The following NRCAM variants were observed in gnomAD, a reference collection of about 807,000 sequenced individuals.
NRCAM encodes neuronal cell adhesion molecule, also known as NgCAM-related cell adhesion molecule.
Under a neutral mutation model 156.5 loss-of-function variants are expected in NRCAM, and 83 were observed. The ratio of observed to expected loss-of-function variants is 0.53; its 90% CI spans 0.44 to 0.64. The LOEUF (loss-of-function observed/expected upper bound fraction) is 0.64. Ranked by LOEUF, NRCAM falls within the 30% of genes least tolerant of loss-of-function variation. NRCAM has a pLI of 0.00. For synonymous variants in NRCAM, 538 were observed against 563.9 expected (o/e 0.95, Z 0.65); for missense variants, 1,417 against 1,597.3 (o/e 0.89, Z 1.92).
chr7:108,413,772 G>C (rs948390646), intron 1 of NRCAM, among the ~76,000 whole-genome samples: 1 of 152,082 alleles, frequency 6.6e-6, no homozygotes, highest in African/African-American at 2.4e-5. Flanking sequence ...AATTCATTTG[G>C]TGCTGTATTG....
chr7:108,308,600 AT>A (rs1033820202), intron 3 of NRCAM, among the ~76,000 whole-genome samples: 6 of 152,196 alleles, frequency 3.9e-5, no homozygotes, highest in South Asian at 4.1e-4. Flanking sequence ...AGCACCAATT[AT>A]TGCTGCCACA....
At chr7:108,210,949 T>C (rs981370586) in intron 11 of NRCAM, among the ~76,000 whole-genome samples, 1 of 152,162 alleles carries the variant, frequency 6.6e-6, no homozygotes, top group African/African-American at 2.4e-5. Flanking sequence ...CAGAACTACA[T>C]TGCAGCTCTG....
At chr7:108,444,592 T>G (rs1056212320) in intron 1 of NRCAM, among the ~76,000 whole-genome samples, 1 of 152,186 alleles carries the variant, frequency 6.6e-6, no homozygotes, top group African/African-American at 2.4e-5. Context: ...GCATCTCTCC[T>G]GGCTTCTAGT....
At chr7:108,377,393 AAGTGTC>A (rs1181855665) in intron 2 of NRCAM, among the ~76,000 whole-genome samples, 2 of 152,204 alleles carry the variant, frequency 1.3e-5, no homozygotes, top group Non-Finnish European at 2.9e-5. Flanking sequence ...TGTTAGAGAC[AAGTGTC>A]AACAAACCTA....
chr7:108,363,727 T>C (rs947015206), intron 2 of NRCAM, among the ~76,000 whole-genome samples: 29 of 152,250 alleles, frequency 1.9e-4, no homozygotes, highest in African/African-American at 6.0e-4. Context: ...TGATATGATA[T>C]GATGTGATGA....
chr7:108,168,272 C>T lies in NRCAM; in HGVS notation c.3313+5G>A, dbSNP rs762390078. 8 of 1,500,688 alleles carry T rather than the reference C, an allele frequency of 5.3e-6. No homozygotes were observed. The Admixed American group carries it at 1.4e-4, about 27-fold the overall frequency. 93.0% of individuals were successfully genotyped at this position (1,500,688 alleles called of 1,614,324 possible). ...TAAAAATCGGGTAATGAAATTGTTT[C>T]TTACTGCCTGCTACACCATATTCAA... On this transcript the variant is annotated splice_donor_5th_base_variant and intron_variant, in intron 29 of 32. Transcript: ENST00000379028.
chr7:108,276,172 A>G (rs2097594702), intron 3 of NRCAM, among the ~76,000 whole-genome samples: 2 of 152,182 alleles, frequency 1.3e-5, no homozygotes, highest in South Asian at 2.1e-4. Flanking sequence ...CAATTTTAGA[A>G]TAAGTGCGAT....
chr7:108,396,142 A>G (rs180751606), intron 2 of NRCAM, among the ~76,000 whole-genome samples: 70 of 152,336 alleles, frequency 4.6e-4, no homozygotes, highest in Admixed American at 3.8e-3. Context: ...TCTATCATGC[A>G]GCGAATATGA....
chr7:108,456,448 G>T, upstream of NRCAM: 1 of 150,782 alleles, frequency 6.6e-6, no homozygotes, highest in South Asian at 2.1e-4. Flanking sequence ...GCCCCGCGCC[G>T]GCGCGCGCCC....
chr7:108,316,745 C>T (rs911147568), intron 2 of NRCAM, among the ~76,000 whole-genome samples: 6 of 150,650 alleles, frequency 4.0e-5, no homozygotes, highest in African/African-American at 1.5e-4. Flanking sequence ...GCCAAGATCA[C>T]ACCACTGCAC....
intron 1 of NRCAM, among the ~76,000 whole-genome samples, chr7:108,453,448 T>A (rs1852821087): frequency 6.6e-6 from 1 of 152,220 alleles, no homozygotes; most frequent in African/African-American, 2.4e-5. Context: ...TTTCCAAAGA[T>A]GCTTTGCTTT....
At chr7:108,326,210 C>A (rs919851111) in intron 2 of NRCAM, among the ~76,000 whole-genome samples, 1 of 152,094 alleles carries the variant, frequency 6.6e-6, no homozygotes, top group African/African-American at 2.4e-5. Context: ...ACATCTAATT[C>A]TATGTTTTGA....
At chr7:108,314,269 T>C (rs571099473) in intron 2 of NRCAM, among the ~76,000 whole-genome samples, 1 of 152,338 alleles carries the variant, frequency 6.6e-6, no homozygotes, top group Admixed American at 6.5e-5. Context: ...TTCTAGGAAA[T>C]GACTTTTTGT....
intron 30 of NRCAM, 71 bp downstream of exon 30, chr7:108,166,850 A>G: frequency 6.9e-7 from 1 of 1,450,986 alleles, no homozygotes; most frequent in Non-Finnish European, 9.5e-7. Context: ...ACCAGCCCCC[A>G]TCTCCAGCTG....
chr7:108,258,783 A>G (rs960871004), intron 3 of NRCAM, among the ~76,000 whole-genome samples: 1 of 152,180 alleles, frequency 6.6e-6, no homozygotes, highest in Non-Finnish European at 1.5e-5. Flanking sequence ...AGCCTAACAA[A>G]CAAGCACTCT....
chr7:108,241,204 A>G (rs1013276686), intron 3 of NRCAM, among the ~76,000 whole-genome samples: 2 of 152,186 alleles, frequency 1.3e-5, no homozygotes. Context: ...GTATACACAT[A>G]TTGCATACAT....
chr7:108,251,479 A>G (rs563869801), intron 3 of NRCAM, among the ~76,000 whole-genome samples: 45 of 152,356 alleles, frequency 3.0e-4, no homozygotes, highest in Middle Eastern at 3.4e-3. Flanking sequence ...ACAATGAATT[A>G]TGAGAGCCAA....
At chr7:108,409,415 G>C (rs1413020388) in intron 1 of NRCAM, among the ~76,000 whole-genome samples, 2 of 152,136 alleles carry the variant, frequency 1.3e-5, no homozygotes, top group African/African-American at 4.8e-5. Context: ...AAAATCTAAA[G>C]CTTCTGACAC....
intron 2 of NRCAM, among the ~76,000 whole-genome samples, chr7:108,397,934 C>T (rs1353465803): frequency 6.6e-6 from 1 of 152,082 alleles, no homozygotes; most frequent in Non-Finnish European, 1.5e-5. Flanking sequence ...ACAAATGAAA[C>T]AGCAGATAAT....
Sources: gnomAD v4.1 joint callset for allele counts (sites outside exome capture counted in the v4.1 genomes callset) on GRCh38, gnomAD v4.1.1 for gene constraint, MANE v1.5 for transcripts, NCBI Gene and HGNC (gene_info 2026-07-23, HGNC 2026-07-21) for gene names.